Variants in ILKAP observed in about 807,000 individuals in gnomAD.
ILKAP encodes integrin-linked kinase-associated serine/threonine phosphatase 2C.
A neutral mutation model predicts 49.1 loss-of-function variants in ILKAP; 11 were observed. The observed-to-expected ratio is 0.22, with a 90% CI of 0.14 to 0.37. The LOEUF is 0.37. Among genes scored for constraint, ILKAP ranks in the 10% least tolerant of loss-of-function variants. The probability of loss-of-function intolerance (pLI) is 1.00; values close to 1 mark genes in which losing one functional copy is unlikely to be tolerated. For synonymous variants in ILKAP, 186 were observed against 192.8 expected, an observed-to-expected ratio of 0.96 and a Z score of 0.29; for missense variants, 363 against 510.8, an observed-to-expected ratio of 0.71 and a Z score of 2.79.
intron 5 of ILKAP, among the ~76,000 whole-genome samples, chr2:238,187,661 T>C (rs900841666): frequency 6.6e-6 from 1 of 152,208 alleles, no homozygotes; most frequent in Admixed American, 6.5e-5. Context: ...TCACCATTCA[T>C]ACTTTAATTA....
chr2:238,191,894 G>A (rs1694140051), intron 3 of ILKAP, among the ~76,000 whole-genome samples: 1 of 149,574 alleles, frequency 6.7e-6, no homozygotes, highest in African/African-American at 2.5e-5. Context: ...AACAGAGCAA[G>A]GCTCCATCTC....
At chr2:238,181,657 C>G (rs1338967043) in intron 9 of ILKAP, among the ~76,000 whole-genome samples, 1 of 147,308 alleles carries the variant, frequency 6.8e-6, no homozygotes, top group Non-Finnish European at 1.5e-5. Flanking sequence ...GAGTCTCGCT[C>G]TGTTGCCCAG....
chr2:238,171,777 T>G (rs550238633), intron 10 of ILKAP, among the ~76,000 whole-genome samples: 3 of 152,258 alleles, frequency 2.0e-5, no homozygotes, highest in South Asian at 4.1e-4. Flanking sequence ...CTGCACAGCT[T>G]GGGGCTGCAT....
intron 3 of ILKAP, among the ~76,000 whole-genome samples, chr2:238,192,399 G>A (rs559504004): frequency 5.3e-5 from 8 of 151,798 alleles, no homozygotes; most frequent in African/African-American, 1.9e-4. Flanking sequence ...GTTCCTGCCC[G>A]CTTAAGAATG....
At position 238,170,618 on chromosome 2, in the gene ILKAP, G is replaced by A; in HGVS notation, c.1097C>T (p.Ala366Val). The A allele has an allele frequency of 6.2e-7, 1 of 1,606,340 alleles. No individual in the cohort carries two copies. Among genetic ancestry groups the A allele is most frequent in the Non-Finnish European group, 8.5e-7 (1 of 1,173,816 alleles). ...CGCCTTGTTGGCCAGCCTGTTGCAG[G>A]CTGCTTCGTAGCGGGCGTCGGCTGC... ...KSAADARYEA[A>V]CNRLANKAVQ... Residue 366 changes from alanine to valine, a missense_variant, in exon 12 of 12, where the codon GCC becomes GTC. Coordinates refer to ENST00000254654, the MANE Select transcript of ILKAP (RefSeq NM_030768.3).
At chr2:238,183,579 C>G in intron 8 of ILKAP, 74 bp downstream of exon 8, 1 of 1,053,374 alleles carries the variant, frequency 9.5e-7, no homozygotes, top group Non-Finnish European at 1.5e-6. Context: ...TAATCTTATT[C>G]AACAAGTACG....
At chr2:238,186,177 C>T (rs1244739705) in intron 5 of ILKAP, 1 of 152,160 alleles carries the variant, frequency 6.6e-6, no homozygotes, top group Non-Finnish European at 1.5e-5. Flanking sequence ...ACTAACACGG[C>T]GCAGCTTACT....
At chr2:238,185,113 T>C (rs1693849761) in intron 6 of ILKAP, 68 bp downstream of exon 6, 1 of 950,474 alleles carries the variant, frequency 1.1e-6, no homozygotes, top group African/African-American at 1.6e-5. Context: ...CACATCTGAC[T>C]GCTTCACACA....
chr2:238,203,384 C>T, intron 1 of ILKAP, 115 bp downstream of exon 1: 1 of 320,102 alleles, frequency 3.1e-6, no homozygotes, highest in East Asian at 1.1e-4. Context: ...CCCGTGCAGC[C>T]CGCGCCGCCC....
intron 7 of ILKAP, 119 bp from the exon 8 acceptor site, chr2:238,183,859 GCTTT>G: frequency 1.0e-6 from 1 of 984,838 alleles, no homozygotes. Flanking sequence ...CTTGATACTT[GCTTT>G]TTTTCTGTTT....
chr2:238,193,302 C>T (rs1694216560), intron 3 of ILKAP, among the ~76,000 whole-genome samples: 1 of 152,120 alleles, frequency 6.6e-6, no homozygotes, highest in African/African-American at 2.4e-5. Context: ...CTCACTGCAA[C>T]CTCTGCCTCC....
intron 3 of ILKAP, among the ~76,000 whole-genome samples, chr2:238,191,595 A>G (rs1694124886): frequency 6.6e-6 from 1 of 152,200 alleles, no homozygotes; most frequent in Non-Finnish European, 1.5e-5. Context: ...ATGGATGTGA[A>G]ACTTTCTTCC....
chr2:238,194,706 T>A (rs1694274564), intron 2 of ILKAP, 99 bp downstream of exon 2: 4 of 1,209,682 alleles, frequency 3.3e-6, no homozygotes, highest in Middle Eastern at 4.7e-4. Context: ...AAAACATCTG[T>A]GTGTTGAAAA....
chr2:238,200,869 C>T (rs937730132), intron 1 of ILKAP, among the ~76,000 whole-genome samples: 5 of 152,206 alleles, frequency 3.3e-5, no homozygotes, highest in African/African-American at 1.2e-4. Flanking sequence ...ACATTCTACC[C>T]CACACTATGT....
In ILKAP at chr2:238,194,317, A is replaced by G. The variant is rs1429432780; in HGVS notation, c.136T>C (p.Leu46=). Residue 46 remains leucine (L), a synonymous_variant, in exon 3 of 12, where the codon TTG becomes CTG. Coordinates refer to ENST00000254654, the MANE Select transcript of ILKAP (RefSeq NM_030768.3). ...GCGGGTGGGAGATCATCAAAAAGCA[A>G]AGGTCCCCCTGATCCTGAAACACAG... ...SSTDSGSGGP[L]LFDDLPPASS... is the part of the protein sequence containing the mutation. The G allele has an allele frequency of 1.2e-6, 2 of 1,614,122 alleles. No individual in the cohort carries two copies. The highest frequency in any genetic ancestry group is 3.3e-5 in the Admixed American group (2 of 60,014).
intron 1 of ILKAP, among the ~76,000 whole-genome samples, chr2:238,200,210 A>T (rs2106342519): frequency 6.6e-6 from 1 of 150,882 alleles, no homozygotes; most frequent in Middle Eastern, 3.4e-3. Context: ...ACTTTTTTTT[A>T]GGTAAAATAT....
In ILKAP at chr2:238,189,935, A is replaced by G. The variant is rs778491462; in HGVS notation, c.216T>C (p.Thr72=). Reference sequence around the variant, plus strand: ...TTTTTCTCTTTGCTCCTTTCCCTTCAGTCTTTACCATCTGGGATATTGATG... The same window carrying G: ...TTTTTCTCTTTGCTCCTTTCCCTTCGGTCTTTACCATCTGGGATATTGATG... ...LATSISQMVK[T]EGKGAKRKTS... The change falls in exon 4 of 12, where the codon ACT becomes ACC. Residue 72 remains threonine (T), a synonymous_variant. Transcript: ENST00000254654. The G allele has an allele frequency of 4.3e-6, 7 of 1,613,924 alleles. No individual in the cohort carries two copies. In the Admixed American group the frequency reaches 1.0e-4, roughly 23 times the overall value.
chr2:238,182,578 C>T (rs892816794), intron 8 of ILKAP, among the ~76,000 whole-genome samples: 3 of 152,304 alleles, frequency 2.0e-5, no homozygotes, highest in African/African-American at 7.2e-5. Context: ...GGAGGGCAAG[C>T]GTTGTGCATG....
At chr2:238,172,000 T>G (rs1453282043) in intron 10 of ILKAP, among the ~76,000 whole-genome samples, 1 of 152,172 alleles carries the variant, frequency 6.6e-6, no homozygotes. Context: ...CTTTTCTCAC[T>G]GTAATATCTG....
Sources: gnomAD v4.1 joint callset for allele counts (sites outside exome capture counted in the v4.1 genomes callset) on GRCh38, gnomAD v4.1.1 for gene constraint, MANE v1.5 for transcripts, NCBI Gene and HGNC (gene_info 2026-07-23, HGNC 2026-07-21) for gene names.